Variants in PSMD5 observed in about 807,000 individuals in gnomAD.
PSMD5 encodes the protein proteasome 26S subunit, non-ATPase 5, also known as 26S proteasome non-ATPase regulatory subunit 5.
PSMD5 carries 40 observed loss-of-function variants against 52.1 expected under a neutral mutation model. That is an observed-to-expected ratio of 0.77 (90% CI 0.60 to 1.00). The LOEUF (loss-of-function observed/expected upper bound fraction) is 1.00, where lower values mean the gene tolerates loss of function less well. Among genes scored for constraint, PSMD5 ranks in the 50% least tolerant of loss-of-function variants. The pLI, the probability that PSMD5 is intolerant of heterozygous loss-of-function variation, is 0.00. For missense variants in PSMD5, 575 were observed against 605.2 expected (o/e 0.95, Z 0.52); for synonymous variants, 211 against 226.6 (o/e 0.93, Z 0.62).
chr9:120,818,779 G>T (rs1189484755), intron 9 of PSMD5, among the ~76,000 whole-genome samples: 1 of 147,856 alleles, frequency 6.8e-6, no homozygotes, highest in Admixed American at 6.7e-5. Context: ...AGCAAAAACT[G>T]CAATTACTTT....
chr9:120,832,954 T>A lies in PSMD5; in HGVS notation c.318+358A>T, dbSNP rs1457785466. 3.9e-5 allele frequency among the ~76,000 whole-genome samples: 6 copies of A among 152,374 alleles called. No individual in the cohort carries two copies. The East Asian group carries it at 1.2e-3, about 29-fold the overall frequency. ...CTATTTGAACACATAGGAATCTTTT[T>A]CTTTACACTAGGAGCTCCTTGAAGG... On this transcript the variant is annotated intron_variant, in intron 2 of 9. Coordinates refer to ENST00000210313, the MANE Select transcript of PSMD5 (RefSeq NM_005047.4).
rs751788526 is a variant in PSMD5 at position 120,821,418 on chromosome 9, C to A, written c.1053G>T (p.Lys351Asn). 2 of 1,610,302 alleles carry A rather than the reference C, an allele frequency of 1.2e-6. No individual in the cohort carries two copies. Among genetic ancestry groups the A allele is most frequent in the Non-Finnish European group, 1.7e-6 (2 of 1,178,354 alleles). Residue 351 changes from lysine to asparagine, a missense_variant, in exon 8 of 10, where the codon AAG becomes AAT. Transcript: ENST00000210313. ...TAATTTTTAGCTCCACTGGGGCATT[C>A]TTTGATTGATGTCCTATTCTCATAA... ...RLLMRIGHQS[K>N]NAPVELKIRC...
At position 120,829,226 on chromosome 9, in the gene PSMD5, A is replaced by C. The variant is rs749459412; in HGVS notation, c.562-18T>G. On this transcript the variant is annotated intron_variant, in intron 4 of 9. Transcript: ENST00000210313. ...ATAATTAGCTGAAATAAAAAAAAAA[A>C]CACAGAAAAAAGAAAAAGGTCAAAT... The C allele has an allele frequency of 3.4e-5, 53 of 1,562,730 alleles. No individual in the cohort carries two copies. The highest frequency in any genetic ancestry group is 2.5e-4 in the South Asian group (21 of 83,360).
chr9:120,842,702 C>A, intron 1 of PSMD5, 35 bp downstream of exon 1: 1 of 1,610,598 alleles, frequency 6.2e-7, no homozygotes, highest in African/African-American at 1.3e-5. Flanking sequence ...TAGGGGTGCC[C>A]CTCTCCTCGG....
At chr9:120,837,535 TAAA>T (rs2045206716) in intron 1 of PSMD5, among the ~76,000 whole-genome samples, 1 of 152,236 alleles carries the variant, frequency 6.6e-6, no homozygotes, top group African/African-American at 2.4e-5. Flanking sequence ...GGTGTCATAT[TAAA>T]GAAGTCTGTT....
intron 9 of PSMD5, among the ~76,000 whole-genome samples, chr9:120,818,690 GA>G (rs1370392607): frequency 6.7e-6 from 1 of 148,554 alleles, no homozygotes; most frequent in Non-Finnish European, 1.5e-5. Flanking sequence ...GCTATTCAAT[GA>G]AATACCAACT....
chr9:120,821,032 G>A lies in PSMD5; in HGVS notation c.1117-53C>T. ...CAAAAGTTAACTGATCTGGAGAAAAGCACTTATTTAGAAGTCAGACACCTG... is the reference window on the plus strand; with the variant it reads ...CAAAAGTTAACTGATCTGGAGAAAAACACTTATTTAGAAGTCAGACACCTG... On this transcript the variant is annotated intron_variant, in intron 8 of 9. Transcript: ENST00000210313. 4 of 1,514,862 alleles carry A rather than the reference G, an allele frequency of 2.6e-6. No homozygotes were observed. The South Asian group carries it at 4.1e-5, about 15-fold the overall frequency. 93.8% of individuals were successfully genotyped at this position (1,514,862 alleles called of 1,614,324 possible).
At chr9:120,828,716 G>A (rs1015272741) in intron 5 of PSMD5, among the ~76,000 whole-genome samples, 10 of 152,080 alleles carry the variant, frequency 6.6e-5, no homozygotes, top group African/African-American at 1.9e-4. Context: ...GTGAGCCACC[G>A]CACCCGGCCT....
At chr9:120,842,021 T>TACCCTG in intron 1 of PSMD5, 1 of 152,400 alleles carries the variant, frequency 6.6e-6, no homozygotes, top group East Asian at 1.9e-4. Context: ...CTGAACTCCA[T>TACCCTG]ACCCTGACCC....
In PSMD5 at chr9:120,816,279, A is replaced by G. The variant is rs941717809; in HGVS notation, c.*1627T>C. The stretch of plus-strand genomic sequence containing the variant: ...GTTTCAATTGTATAAGATGAAAATA[A>G]TTCTGAAGATGGATGGTGGTGATGG... On this transcript the variant is annotated 3_prime_UTR_variant, in exon 10 of 10. Transcript: ENST00000210313. The G allele has an allele frequency of 6.6e-6, 1 of 152,354 alleles. No individual in the cohort carries two copies. The highest frequency in any genetic ancestry group is 2.4e-5 in the African/African-American group (1 of 41,468). 9.4% of individuals were successfully genotyped at this position (152,354 alleles called of 1,614,324 possible). A position where few individuals can be genotyped will look rare whatever the true frequency, so the allele number is the denominator to read the frequency against.
chr9:120,817,559 C>T lies in PSMD5; in HGVS notation c.*347G>A, dbSNP rs2045051588. 1 of 199,328 alleles carries T rather than the reference C, an allele frequency of 5.0e-6. No individual in the cohort carries two copies. Among genetic ancestry groups the T allele is most frequent in the South Asian group, 1.2e-4 (1 of 8,190 alleles). 12.3% of individuals were successfully genotyped at this position (199,328 alleles called of 1,614,324 possible). A position where few individuals can be genotyped will look rare whatever the true frequency, so the allele number is the denominator to read the frequency against. ...TGCTGGGAATTATAGGTGTTAGCCA[C>T]CGCGCCCAGCCCTGAAGCAGGCTTT... On this transcript the variant is annotated 3_prime_UTR_variant, in exon 10 of 10. Transcript: ENST00000210313.
intron 1 of PSMD5, among the ~76,000 whole-genome samples, chr9:120,838,439 T>G (rs776503820): frequency 2.0e-5 from 3 of 152,074 alleles, no homozygotes; most frequent in African/African-American, 4.8e-5. Context: ...GGACTTAAAC[T>G]CTCTCAAAAA....
At chr9:120,826,055 C>T (rs150211503) in intron 6 of PSMD5, among the ~76,000 whole-genome samples, 3,654 of 145,166 alleles carry the variant, frequency 0.025, 55 homozygotes, top group Admixed American at 0.038. Context: ...AGTGCAGTGG[C>T]GCGATCCTGG....
At chr9:120,831,038 C>A (rs1210817263) in intron 4 of PSMD5, among the ~76,000 whole-genome samples, 1 of 152,132 alleles carries the variant, frequency 6.6e-6, no homozygotes, top group East Asian at 1.9e-4. Context: ...CACATACCAC[C>A]ATGCACAGCT....
intron 7 of PSMD5, 158 bp downstream of exon 7, chr9:120,824,336 T>C: frequency 1.4e-6 from 1 of 707,330 alleles, no homozygotes; most frequent in East Asian, 2.8e-5. Context: ...TCCGTAATAA[T>C]TATTAGATTT....
In PSMD5 at chr9:120,824,692, A is replaced by G; in HGVS notation, c.815-7T>C. On this transcript the variant is annotated splice_polypyrimidine_tract_variant and splice_region_variant and intron_variant, in intron 6 of 9. Coordinates refer to ENST00000210313, the MANE Select transcript of PSMD5 (RefSeq NM_005047.4). ...CCAAAAAACTTCACGAATCCTAAAGAGATTTACAAAAATATATTTTAATAG... is the reference window on the plus strand; with the variant it reads ...CCAAAAAACTTCACGAATCCTAAAGGGATTTACAAAAATATATTTTAATAG... 1 of 1,584,522 alleles carries G rather than the reference A, an allele frequency of 6.3e-7. No homozygotes were observed. Among genetic ancestry groups the G allele is most frequent in the Middle Eastern group, 1.7e-4 (1 of 5,892 alleles).
chr9:120,822,174 T>A (rs1324348194), intron 7 of PSMD5, among the ~76,000 whole-genome samples: 1 of 152,204 alleles, frequency 6.6e-6, no homozygotes, highest in East Asian at 1.9e-4. Flanking sequence ...GAGATTTTTT[T>A]AAAGTATGCT....
chr9:120,833,532 C>T (rs772409421), intron 1 of PSMD5, 76 bp from the exon 2 acceptor site: 65 of 1,460,468 alleles, frequency 4.5e-5, no homozygotes, highest in Non-Finnish European at 5.9e-5. Flanking sequence ...ATAGCTGAAG[C>T]TTGCGTCAGC....
intron 3 of PSMD5, 183 bp from the exon 4 acceptor site, chr9:120,831,642 T>G: frequency 9.1e-7 from 1 of 1,103,978 alleles, no homozygotes; most frequent in South Asian, 1.7e-5. Context: ...ATGTATATCC[T>G]AGAAAATGAA....
Sources: gnomAD v4.1 joint callset for allele counts (sites outside exome capture counted in the v4.1 genomes callset) on GRCh38, gnomAD v4.1.1 for gene constraint, MANE v1.5 for transcripts, NCBI Gene and HGNC (gene_info 2026-07-23, HGNC 2026-07-21) for gene names.